SV2C: variants seen among roughly 807,000 people sequenced by gnomAD.
SV2C encodes solute carrier family 22 member B3.
In SV2C, 49 loss-of-function variants were observed where a neutral mutation model predicts 79.7. The observed-to-expected ratio is 0.61, with a 90% CI of 0.49 to 0.78. The LOEUF (loss-of-function observed/expected upper bound fraction) is 0.78. Among genes scored for constraint, SV2C ranks in the 30% least tolerant of loss-of-function variants. The probability of loss-of-function intolerance (pLI) is 0.00; values close to 1 mark genes in which losing one functional copy is unlikely to be tolerated. For synonymous variants in SV2C, 334 were observed against 333.2 expected, an observed-to-expected ratio of 1.00 and a Z score of -0.03; for missense variants, 833 against 912.9, an observed-to-expected ratio of 0.91 and a Z score of 1.13.
the SV2C span, among the ~76,000 whole-genome samples, chr5:75,877,299 TAAAG>T: frequency 5.9e-5 from 9 of 151,800 alleles, no homozygotes; most frequent in Admixed American, 2.6e-4. Context: ...ATGAAGCAAA[TAAAG>T]AGAGAAATAA....
At chr5:76,115,094 A>C (rs1323113346) in intron 1 of SV2C, among the ~76,000 whole-genome samples, 1 of 152,166 alleles carries the variant, frequency 6.6e-6, no homozygotes, top group Non-Finnish European at 1.5e-5. Flanking sequence ...CTATTAAATT[A>C]GGTCATTTTA....
chr5:76,015,391 T>C, the SV2C span, among the ~76,000 whole-genome samples: 20 of 152,322 alleles, frequency 1.3e-4, no homozygotes, highest in East Asian at 3.7e-3. Context: ...GCCTGTCTGA[T>C]AGATGCACTT....
intron 1 of SV2C, among the ~76,000 whole-genome samples, chr5:76,096,658 G>C (rs1290159242): frequency 1.3e-5 from 2 of 152,120 alleles, no homozygotes; most frequent in Non-Finnish European, 2.9e-5. Context: ...CTACTAAATT[G>C]GGCCATGGGG....
chr5:75,972,214 A>G, the SV2C span, among the ~76,000 whole-genome samples: 1 of 152,190 alleles, frequency 6.6e-6, no homozygotes, highest in African/African-American at 2.4e-5. Context: ...ACCTAAAACC[A>G]TGAAAACCCT....
At chr5:75,980,175 G>A in the SV2C span, among the ~76,000 whole-genome samples, 2 of 152,032 alleles carry the variant, frequency 1.3e-5, no homozygotes, top group Admixed American at 1.3e-4. Flanking sequence ...AGGAATAATT[G>A]AATCCCTGAA....
intron 1 of SV2C, among the ~76,000 whole-genome samples, chr5:76,087,334 G>C (rs951440452): frequency 6.6e-6 from 1 of 152,172 alleles, no homozygotes; most frequent in Admixed American, 6.5e-5. Flanking sequence ...CCCATAGATA[G>C]TATATAATAC....
intron 4 of SV2C, among the ~76,000 whole-genome samples, chr5:76,238,262 T>C (rs549692649): frequency 6.6e-6 from 1 of 152,198 alleles, no homozygotes; most frequent in East Asian, 1.9e-4. Context: ...TTTTTATTTC[T>C]GTTATTACTA....
chr5:76,335,253 C>G (rs1749287800), downstream of SV2C, among the ~76,000 whole-genome samples: 1 of 152,092 alleles, frequency 6.6e-6, no homozygotes, highest in South Asian at 2.1e-4. Context: ...CAGGTTCTCT[C>G]CCCCAGCTAG....
chr5:76,080,717 C>CAAAAGTCCTG (rs754495883), upstream of SV2C, among the ~76,000 whole-genome samples: 10 of 152,202 alleles, frequency 6.6e-5, no homozygotes, highest in Non-Finnish European at 1.2e-4. Flanking sequence ...CATTGAGGAA[C>CAAAAGTCCTG]AAAAGTCCTG....
At chr5:76,025,830 T>C in the SV2C span, among the ~76,000 whole-genome samples, 1 of 152,314 alleles carries the variant, frequency 6.6e-6, no homozygotes, top group East Asian at 1.9e-4. Flanking sequence ...AGCATTAATG[T>C]TTGTTCATGC....
At chr5:75,943,535 C>T in the SV2C span, among the ~76,000 whole-genome samples, 5 of 152,122 alleles carry the variant, frequency 3.3e-5, no homozygotes, top group African/African-American at 1.2e-4. Context: ...GTTTGCTCAA[C>T]AAGACTTTTA....
chr5:76,295,684 C>A, intron 8 of SV2C, 94 bp from the exon 9 acceptor site: 1 of 1,252,832 alleles, frequency 8.0e-7, no homozygotes, highest in Non-Finnish European at 1.1e-6. Flanking sequence ...AGCCATTCTC[C>A]GGGAACTATT....
chr5:76,269,697 C>T (rs762588956), intron 4 of SV2C, among the ~76,000 whole-genome samples: 12 of 152,170 alleles, frequency 7.9e-5, no homozygotes, highest in Non-Finnish European at 1.5e-4. Context: ...GCATTCTGGT[C>T]AAAGCTGGTT....
the SV2C span, among the ~76,000 whole-genome samples, chr5:75,975,697 A>AT: frequency 1.3e-5 from 2 of 152,294 alleles, no homozygotes; most frequent in African/African-American, 4.8e-5. Flanking sequence ...GATGCTTTAT[A>AT]TGCAGAGCCT....
intron 4 of SV2C, among the ~76,000 whole-genome samples, chr5:76,274,746 A>G (rs1008133576): frequency 6.6e-6 from 1 of 151,538 alleles, no homozygotes; most frequent in Non-Finnish European, 1.5e-5. Context: ...GGTATTAGCA[A>G]CAGGAACCAT....
At chr5:76,269,157 A>G (rs547036793) in intron 4 of SV2C, among the ~76,000 whole-genome samples, 6 of 151,294 alleles carry the variant, frequency 4.0e-5, no homozygotes, top group Non-Finnish European at 8.8e-5. Context: ...TGTGTATTAT[A>G]AGATGTTTAG....
chr5:76,303,785 A>C (rs778818778), intron 12 of SV2C, among the ~76,000 whole-genome samples: 2 of 152,252 alleles, frequency 1.3e-5, no homozygotes, highest in Non-Finnish European at 2.9e-5. Context: ...CAGGTCCTCC[A>C]TGAAGCAGAT....
the SV2C span, among the ~76,000 whole-genome samples, chr5:75,944,470 A>G: frequency 3.9e-5 from 6 of 152,172 alleles, no homozygotes; most frequent in Non-Finnish European, 5.9e-5. Context: ...TATACAGACT[A>G]CAGCCTATCT....
rs764461927 is a variant in SV2C at position 76,194,924 on chromosome 5, A to C, written c.586A>C (p.Ile196Leu). The C allele has an allele frequency of 6.2e-7, 1 of 1,613,980 alleles. No individual in the cohort carries two copies. Among genetic ancestry groups the C allele is most frequent in the South Asian group, 1.1e-5 (1 of 91,052 alleles). ...TTGTTTTCTGTGTGTTGCAGGCAGC[A>C]TAGTGTACCTCGGGATGATGGTGGG... is the stretch of plus-strand genomic sequence containing the variant. ...PNSGSGWLGS[I>L]VYLGMMVGAF... The change falls in exon 3 of 13, where the codon ATA (isoleucine) becomes CTA (leucine). Residue 196 changes from isoleucine (I) to leucine (L), a missense_variant. Coordinates refer to ENST00000502798, the MANE Select transcript of SV2C (RefSeq NM_014979.4).
Sources: gnomAD v4.1 joint callset for allele counts (sites outside exome capture counted in the v4.1 genomes callset) on GRCh38, gnomAD v4.1.1 for gene constraint, MANE v1.5 for transcripts, NCBI Gene and HGNC (gene_info 2026-07-23, HGNC 2026-07-21) for gene names.